LMO7: variants seen among roughly 807,000 people sequenced by gnomAD.
The protein encoded by LMO7 is LIM domain only protein 7.
Under a neutral mutation model 206.5 loss-of-function variants are expected in LMO7, and 120 were observed. The ratio of observed to expected loss-of-function variants is 0.58; its 90% CI spans 0.50 to 0.68. The LOEUF is 0.68. Ranked by LOEUF, LMO7 falls within the 30% of genes least tolerant of loss-of-function variation. LMO7 has a pLI of 0.00. For synonymous variants in LMO7, 706 were observed against 681.5 expected (o/e 1.04, Z -0.56); for missense variants, 1,959 against 1,957.9 (o/e 1.00, Z -0.01).
At chr13:75,839,848 G>A in intron 20 of LMO7, 1 of 445,758 alleles carries the variant, frequency 2.2e-6, no homozygotes, top group Non-Finnish European at 4.0e-6. Context: ...TAGAGCTAGG[G>A]TTTATTTTGG....
intron 3 of LMO7, among the ~76,000 whole-genome samples, chr13:75,753,989 C>G (rs996015999): frequency 4.6e-5 from 7 of 152,010 alleles, no homozygotes; most frequent in African/African-American, 1.2e-4. Flanking sequence ...CACTTGTATC[C>G]CTAAAGCTAT....
chr13:75,625,392 T>C (rs1210331137), intron 2 of LMO7, among the ~76,000 whole-genome samples: 2 of 151,716 alleles, frequency 1.3e-5, no homozygotes, highest in African/African-American at 2.4e-5. Flanking sequence ...CCTTTGAGTA[T>C]GTAAAGGTCC....
At chr13:75,677,615 A>G (rs7994643) in intron 1 of LMO7, among the ~76,000 whole-genome samples, 45,228 of 151,132 alleles carry the variant, frequency 0.3, 7,461 homozygotes, top group Non-Finnish European at 0.37. Flanking sequence ...GTGCGTCCCA[A>G]TAGAAGTCTT....
intron 3 of LMO7, among the ~76,000 whole-genome samples, chr13:75,731,031 G>A (rs1481128261): frequency 3.0e-3 from 419 of 140,670 alleles, no homozygotes; most frequent in African/African-American, 7.3e-3. Flanking sequence ...CATTTGCTGA[G>A]GAGAGCTTTA....
At chr13:75,782,253 T>G (rs911282524) in intron 4 of LMO7, among the ~76,000 whole-genome samples, 14 of 152,220 alleles carry the variant, frequency 9.2e-5, no homozygotes, top group African/African-American at 3.1e-4. Context: ...TTGGCATTGA[T>G]TAGCTGTAGA....
At chr13:75,739,334 A>C (rs546246895) in intron 3 of LMO7, among the ~76,000 whole-genome samples, 1 of 152,242 alleles carries the variant, frequency 6.6e-6, no homozygotes, top group African/African-American at 2.4e-5. Context: ...TGTGTAAAAA[A>C]TATGGGCTGA....
chr13:75,841,051 A>G (rs2059522481), intron 22 of LMO7, 58 bp from the exon 23 acceptor site: 2 of 1,050,804 alleles, frequency 1.9e-6, no homozygotes, highest in East Asian at 2.5e-5. Context: ...TTAATAAAGA[A>G]GATTCCTAAT....
chr13:75,637,786 A>G (rs550672320), intron 1 of LMO7, among the ~76,000 whole-genome samples: 6 of 152,364 alleles, frequency 3.9e-5, no homozygotes, highest in South Asian at 2.1e-4. Context: ...AGAATAAATT[A>G]CATTTCTTAC....
chr13:75,707,067 G>A (rs916823297), intron 1 of LMO7, among the ~76,000 whole-genome samples: 3 of 151,704 alleles, frequency 2.0e-5, no homozygotes, highest in Admixed American at 2.0e-4. Flanking sequence ...TGTTCCTTTA[G>A]GTATGGGAGA....
chr13:75,753,228 A>G (rs562363610), intron 3 of LMO7, among the ~76,000 whole-genome samples: 1 of 152,310 alleles, frequency 6.6e-6, no homozygotes, highest in South Asian at 2.1e-4. Context: ...TTCCATTGAA[A>G]AAGGTTTATT....
At chr13:75,852,927 C>T (rs928105842) in intron 27 of LMO7, among the ~76,000 whole-genome samples, 165 bp from the exon 28 acceptor site, 7 of 151,908 alleles carry the variant, frequency 4.6e-5, no homozygotes, top group Non-Finnish European at 8.8e-5. Context: ...GAGACATAAC[C>T]CCATCATCAT....
At chr13:75,729,041 A>T (rs1358323471) in intron 3 of LMO7, among the ~76,000 whole-genome samples, 2 of 152,138 alleles carry the variant, frequency 1.3e-5, no homozygotes, top group African/African-American at 4.8e-5. Flanking sequence ...CTTGTAGTAT[A>T]GTTTGAGGTC....
At chr13:75,737,221 T>C (rs559482028) in intron 3 of LMO7, among the ~76,000 whole-genome samples, 2 of 152,102 alleles carry the variant, frequency 1.3e-5, no homozygotes, top group Admixed American at 6.5e-5. Context: ...AAAGATAGGA[T>C]TGGAGTGATG....
chr13:75,623,174 AAAATATTTGTTGTTGCTCAAT>A, intron 1 of LMO7: 2 of 659,326 alleles, frequency 3.0e-6, no homozygotes, highest in East Asian at 5.5e-5. Flanking sequence ...GAATTTCAGT[AAAATATTTGTTGTTGCTCAAT>A]AAATATTTGT....
chr13:75,790,983 CTTTT>C, intron 4 of LMO7, among the ~76,000 whole-genome samples: 1 of 145,928 alleles, frequency 6.9e-6, no homozygotes, highest in African/African-American at 2.5e-5. Flanking sequence ...ATATCTACCC[CTTTT>C]TTTTTTTTGG....
intron 2 of LMO7, among the ~76,000 whole-genome samples, chr13:75,626,589 A>T (rs879680664): frequency 0.21 from 20,066 of 96,042 alleles, 4,076 homozygotes; most frequent in East Asian, 0.53. Context: ...ATATATATAT[A>T]TATAAATTTT....
rs897555626 is a variant in LMO7, at chr13:75,805,546, T to C, written c.982T>C (p.Ser328Pro). 1.2e-6 allele frequency: 2 copies of C among 1,613,962 alleles called. No individual in the cohort carries two copies. Among genetic ancestry groups the C allele is most frequent in the Non-Finnish European group, 1.7e-6 (2 of 1,179,828 alleles). ...AACTGTACAAGGAACTTCAAAGTCC[T>C]CTTGTTATTTGGAAGAGGAAAAAGC... Reference protein sequence around the residue: ...WPTVQGTSKSSCYLEEEKAKT... With the variant: ...WPTVQGTSKSPCYLEEEKAKT... The change falls in exon 9 of 31, where the codon TCT (serine) becomes CCT (proline). Residue 328 changes from serine to proline, a missense_variant. By Grantham distance (74) the Ser-to-Pro change is moderately conservative. Transcript: ENST00000377534.
chr13:75,746,203 G>A (rs2046826601), intron 3 of LMO7, among the ~76,000 whole-genome samples: 7 of 152,102 alleles, frequency 4.6e-5, no homozygotes. Flanking sequence ...GGTTGGTGGG[G>A]GTAGGGGAAA....
In LMO7 at chr13:75,858,170, C is replaced by G; in HGVS notation, c.*227C>G. The G allele has an allele frequency of 2.5e-6, 1 of 406,562 alleles. No homozygotes were observed. The highest frequency in any genetic ancestry group is 8.0e-5 in the South Asian group (1 of 12,502). The allele number at this position is 406,562 out of a possible 1,614,324, so 25.2% of individuals were successfully genotyped here. Reference sequence around the variant, plus strand: ...GTGTGGGGAAAAGTGCAGTATTTACCTGTTGAATTCAGCATCTTGAGAGCA... The same window carrying G: ...GTGTGGGGAAAAGTGCAGTATTTACGTGTTGAATTCAGCATCTTGAGAGCA... On this transcript the variant is annotated 3_prime_UTR_variant, in exon 31 of 31. Transcript: ENST00000377534.
Sources: gnomAD v4.1 joint callset for allele counts (sites outside exome capture counted in the v4.1 genomes callset) on GRCh38, gnomAD v4.1.1 for gene constraint, MANE v1.5 for transcripts, NCBI Gene and HGNC (gene_info 2026-07-23, HGNC 2026-07-21) for gene names.